Variants in ZBBX observed in about 807,000 individuals in gnomAD.
ZBBX encodes the protein zinc finger B-box domain containing, also known as zinc finger B-box domain-containing protein 1.
In ZBBX, 101 loss-of-function variants were observed where a neutral mutation model predicts 108.5. The ratio of observed to expected loss-of-function variants is 0.93; its 90% confidence interval spans 0.79 to 1.10. ZBBX has a LOEUF of 1.10. ZBBX is among the 50% of genes least tolerant of loss of function. The pLI is 0.00. For synonymous variants in ZBBX, 356 were observed against 323.4 expected, an observed-to-expected ratio of 1.10 and a Z score of -1.08; for missense variants, 1,009 against 941.4, an observed-to-expected ratio of 1.07 and a Z score of -0.94.
At chr3:167,301,954 T>TAA (rs71176635) in intron 17 of ZBBX, among the ~76,000 whole-genome samples, 1,026 of 92,026 alleles carry the variant, frequency 0.011, 8 homozygotes, top group African/African-American at 0.018. Flanking sequence ...AAGACTCCGT[T>TAA]AAAAAAAAAA....
At chr3:167,210,793 C>T in the ZBBX span, among the ~76,000 whole-genome samples, 1 of 152,106 alleles carries the variant, frequency 6.6e-6, no homozygotes, top group Admixed American at 6.6e-5. Flanking sequence ...CTAGAAAAGG[C>T]TGAATACTAG....
intron 17 of ZBBX, among the ~76,000 whole-genome samples, chr3:167,304,351 T>C (rs1049589902): frequency 6.6e-6 from 1 of 152,192 alleles, no homozygotes; most frequent in Non-Finnish European, 1.5e-5. Context: ...CTGGTACTCT[T>C]CATGTTGCCC....
intron 20 of ZBBX, among the ~76,000 whole-genome samples, chr3:167,244,578 C>T (rs757285576): frequency 3.9e-5 from 6 of 152,138 alleles, no homozygotes; most frequent in Non-Finnish European, 7.3e-5. Context: ...AAAGGTGATA[C>T]CACTTGATTT....
At chr3:167,199,812 G>A in the ZBBX span, among the ~76,000 whole-genome samples, 1 of 152,134 alleles carries the variant, frequency 6.6e-6, no homozygotes, top group African/African-American at 2.4e-5. Context: ...AGAACATCCA[G>A]CACATACATT....
At chr3:167,269,977 G>A (rs1726240168) in intron 20 of ZBBX, among the ~76,000 whole-genome samples, 1 of 152,120 alleles carries the variant, frequency 6.6e-6, no homozygotes, top group African/African-American at 2.4e-5. Flanking sequence ...TTGCCCCAAG[G>A]GTTTGCAGAC....
chr3:167,272,295 C>T lies in ZBBX; in HGVS notation c.2254+9943G>A, dbSNP rs532699602. ...TCCTCAGGAATTACATATTTGGTCT[C>T]TCCTTTACCTTCTCTTCTCTTAAAG... is the stretch of plus-strand genomic sequence containing the variant. On this transcript the variant is annotated intron_variant, in intron 20 of 21. Transcript: ENST00000675490. Among the ~76,000 whole-genome samples, 4 of 152,304 alleles carry T rather than the reference C, an allele frequency of 2.6e-5. No homozygotes were observed. In the East Asian group the frequency reaches 7.7e-4, roughly 29 times the overall value.
At chr3:167,372,105 G>A (rs533280232) in intron 4 of ZBBX, among the ~76,000 whole-genome samples, 83 of 152,256 alleles carry the variant, frequency 5.5e-4, no homozygotes, top group African/African-American at 1.6e-3. Context: ...CAGCTACTCC[G>A]GTGGCTGAGG....
At chr3:167,241,916 C>T (rs900721307) in intron 21 of ZBBX, among the ~76,000 whole-genome samples, 18 of 152,178 alleles carry the variant, frequency 1.2e-4, no homozygotes, top group African/African-American at 4.1e-4. Context: ...CCTGCTCCTT[C>T]TTCAAGGAAT....
chr3:167,263,968 T>C (rs1725034775), intron 20 of ZBBX, among the ~76,000 whole-genome samples: 1 of 152,236 alleles, frequency 6.6e-6, no homozygotes, highest in East Asian at 1.9e-4. Flanking sequence ...CATTATATAA[T>C]GACCTTCTTC....
At chr3:167,301,627 AAATATTTCTACCTTC>A (rs1234116093) in intron 17 of ZBBX, among the ~76,000 whole-genome samples, 1 of 152,246 alleles carries the variant, frequency 6.6e-6, no homozygotes, top group East Asian at 1.9e-4. Context: ...ATTCAGTTCT[AAATATTTCTACCTTC>A]TATTTTAATT....
intron 8 of ZBBX, among the ~76,000 whole-genome samples, chr3:167,353,041 C>G (rs554900147): frequency 6.6e-6 from 1 of 152,088 alleles, no homozygotes. Context: ...GTGTCTAAAA[C>G]GTTGCCCCTA....
intron 20 of ZBBX, among the ~76,000 whole-genome samples, chr3:167,278,520 G>A (rs1274516403): frequency 2.2e-5 from 3 of 135,378 alleles, no homozygotes; most frequent in Non-Finnish European, 4.7e-5. Context: ...TAAATTCCTC[G>A]ACACATACAC....
chr3:167,406,528 T>C (rs567522760), intron 1 of ZBBX, among the ~76,000 whole-genome samples: 45 of 152,194 alleles, frequency 3.0e-4, no homozygotes, highest in African/African-American at 1.1e-3. Context: ...AGACCAGCCT[T>C]GGCAACATGG....
At chr3:167,317,712 C>T (rs1287533014) in intron 12 of ZBBX, 115 bp from the exon 13 acceptor site, 14 of 598,162 alleles carry the variant, frequency 2.3e-5, no homozygotes, top group Non-Finnish European at 2.6e-5. Context: ...ATGATGAAAC[C>T]GTAACTGTAC....
chr3:167,365,969 C>T lies in ZBBX; in HGVS notation c.190G>A (p.Glu64Lys), dbSNP rs761858213. The change falls in exon 6 of 22, where the codon GAG becomes AAG. Residue 64 changes from glutamate (E) to lysine (K), a missense_variant. Physicochemically the swap from Glu to Lys is moderately conservative, Grantham distance 56 (BLOSUM62 1). Coordinates refer to ENST00000675490, the MANE Select transcript of ZBBX (RefSeq NM_001199201.2). Reference sequence around the variant, plus strand: ...ACTTTTCCAGATTTCCAGTAATACTCGCTTGACCTTTAATATATATAAACA... The same window carrying T: ...ACTTTTCCAGATTTCCAGTAATACTTGCTTGACCTTTAATATATATAAACA... Reference protein sequence around the residue: ...NKEKEDRESSEYYWKSGKVGK... With the variant: ...NKEKEDRESSKYYWKSGKVGK... 7.5e-6 allele frequency: 12 copies of T among 1,604,002 alleles called. No homozygotes were observed. Among genetic ancestry groups the T allele is most frequent in the South Asian group, 3.3e-5 (3 of 90,222 alleles).
At chr3:167,363,636 A>T (rs1460509643) in intron 6 of ZBBX, among the ~76,000 whole-genome samples, 1 of 152,038 alleles carries the variant, frequency 6.6e-6, no homozygotes, top group Admixed American at 6.6e-5. Context: ...CTCTACTAGG[A>T]TGTCCATCTT....
chr3:167,310,137 T>C (rs1441382684), intron 16 of ZBBX, among the ~76,000 whole-genome samples: 1 of 152,234 alleles, frequency 6.6e-6, no homozygotes, highest in African/African-American at 2.4e-5. Flanking sequence ...TGCCAGTCTC[T>C]TTGCTAAAGC....
At chr3:167,227,050 T>C in the ZBBX span, among the ~76,000 whole-genome samples, 9 of 151,948 alleles carry the variant, frequency 5.9e-5, no homozygotes, top group East Asian at 1.7e-3. Context: ...TCACCCAGTG[T>C]GTCCTAACTA....
intron 20 of ZBBX, among the ~76,000 whole-genome samples, chr3:167,249,301 G>A (rs1458946344): frequency 6.6e-6 from 1 of 152,178 alleles, no homozygotes; most frequent in Non-Finnish European, 1.5e-5. Flanking sequence ...AGCTTGCAAG[G>A]CAATCCAGAC....
Sources: gnomAD v4.1 joint callset for allele counts (sites outside exome capture counted in the v4.1 genomes callset) on GRCh38, gnomAD v4.1.1 for gene constraint, MANE v1.5 for transcripts, NCBI Gene and HGNC (gene_info 2026-07-23, HGNC 2026-07-21) for gene names.